Variants in PCDHA7 observed in about 807,000 individuals in gnomAD.
The protein encoded by PCDHA7 is protocadherin alpha 7.
PCDHA7 carries 37 observed loss-of-function variants against 57.2 expected under a neutral mutation model. The ratio of observed to expected loss-of-function variants is 0.65; its 90% CI spans 0.50 to 0.85. PCDHA7 has a LOEUF of 0.85. Among genes scored for constraint, PCDHA7 ranks in the 40% least tolerant of loss-of-function variants. The pLI, the probability that PCDHA7 is intolerant of heterozygous loss-of-function variation, is 0.00. For missense variants in PCDHA7, 1,188 were observed against 1,241.8 expected, an observed-to-expected ratio of 0.96 and a Z score of 0.65; for synonymous variants, 553 against 558.8, an observed-to-expected ratio of 0.99 and a Z score of 0.15.
intron 1 of PCDHA7, chr5:140,875,679 A>T (rs1554167850): frequency 4.3e-6 from 7 of 1,613,916 alleles, no homozygotes; most frequent in Non-Finnish European, 8.5e-7. Context: ...TGGCGTCCAA[A>T]AGACACGGGG....
Position 141,010,015 on chromosome 5 carries a change from C to T in PCDHA7, c.*78C>T, listed in dbSNP as rs1588250671. On this transcript the variant is annotated 3_prime_UTR_variant, in exon 4 of 4. Transcript: ENST00000525929. ...CTCTCCCATGTAGCAATTCCCTGCTCCTTTTTCCTATCTACATGAGCCCTC... is the reference window on the plus strand; with the variant it reads ...CTCTCCCATGTAGCAATTCCCTGCTTCTTTTTCCTATCTACATGAGCCCTC... 7 of 1,572,182 alleles carry T rather than the reference C, an allele frequency of 4.5e-6. No individual in the cohort carries two copies. In the East Asian group the frequency reaches 1.3e-4, roughly 30 times the overall value.
chr5:140,972,295 G>A (rs551210883), intron 1 of PCDHA7, among the ~76,000 whole-genome samples: 2 of 151,388 alleles, frequency 1.3e-5, no homozygotes, highest in South Asian at 2.1e-4. Context: ...GTGCGCCACC[G>A]TGTCTGACTA....
At chr5:140,954,781 T>A (rs1312700733) in intron 1 of PCDHA7, among the ~76,000 whole-genome samples, 1 of 152,208 alleles carries the variant, frequency 6.6e-6, no homozygotes, top group Non-Finnish European at 1.5e-5. Flanking sequence ...TTTAATTAGA[T>A]CTCATTTGTC....
intron 1 of PCDHA7, among the ~76,000 whole-genome samples, chr5:140,950,689 A>G (rs1585383013): frequency 2.6e-5 from 4 of 152,212 alleles, no homozygotes; most frequent in Admixed American, 2.6e-4. Flanking sequence ...ATTGTTAACC[A>G]AATTTGACAA....
chr5:141,010,146 C>T lies in PCDHA7; in HGVS notation c.*209C>T. 2 of 1,584,410 alleles carry T rather than the reference C, an allele frequency of 1.3e-6. No homozygotes were observed. Among genetic ancestry groups the T allele is most frequent in the Non-Finnish European group, 1.7e-6 (2 of 1,164,258 alleles). On this transcript the variant is annotated 3_prime_UTR_variant, in exon 4 of 4. Coordinates refer to ENST00000525929, the MANE Select transcript of PCDHA7 (RefSeq NM_018910.3). ...TAAGTCTGGTGTTAACTCTTTCTCTCCACTCTGGCTTGTTTTCAGAACCTA... is the reference window on the plus strand; with the variant it reads ...TAAGTCTGGTGTTAACTCTTTCTCTTCACTCTGGCTTGTTTTCAGAACCTA...
chr5:140,949,260 T>A (rs1292112980), intron 1 of PCDHA7, among the ~76,000 whole-genome samples: 1 of 151,804 alleles, frequency 6.6e-6, no homozygotes, highest in African/African-American at 2.4e-5. Flanking sequence ...GATGAACATA[T>A]CACGTGCACT....
At position 141,011,517 on chromosome 5, in the gene PCDHA7, T is replaced by C. The variant is rs1397450262; in HGVS notation, c.*1580T>C. 2.6e-5 allele frequency: 4 copies of C among 153,768 alleles called. No individual in the cohort carries two copies. The highest frequency in any genetic ancestry group is 5.9e-5 in the Non-Finnish European group (4 of 68,028). The allele number at this position is 153,768 out of a possible 1,614,324, so 9.5% of individuals were successfully genotyped here. On this transcript the variant is annotated 3_prime_UTR_variant, in exon 4 of 4. Transcript: ENST00000525929. Reference sequence around the variant, plus strand: ...ACCTGTGAAAAAGTGGAGTAGTGTTTTTTTAACCATTGTTAATCAGCTTTT... The same window carrying C: ...ACCTGTGAAAAAGTGGAGTAGTGTTCTTTTAACCATTGTTAATCAGCTTTT...
intron 1 of PCDHA7, chr5:140,875,924 A>C (rs782181544): frequency 6.2e-7 from 1 of 1,614,054 alleles, no homozygotes; most frequent in Non-Finnish European, 8.5e-7. Context: ...CTGGACTCTC[A>C]TTTTCCTCTA....
intron 1 of PCDHA7, among the ~76,000 whole-genome samples, chr5:140,912,832 TA>T (rs1188685241): frequency 1.3e-5 from 2 of 152,202 alleles, no homozygotes; most frequent in African/African-American, 2.4e-5. Context: ...TGAATTTTAT[TA>T]AATGCTTTTT....
chr5:140,873,126 G>A (rs2054115570), intron 1 of PCDHA7, among the ~76,000 whole-genome samples: 1 of 152,124 alleles, frequency 6.6e-6, no homozygotes, highest in Admixed American at 6.5e-5. Context: ...AATATTCAAA[G>A]AGTCTATGCT....
At chr5:140,876,323 T>C (rs1554168484) in intron 1 of PCDHA7, 1 of 1,614,000 alleles carries the variant, frequency 6.2e-7, no homozygotes, top group Middle Eastern at 1.6e-4. Context: ...ATCAAAATGA[T>C]TTTGCCAGTG....
intron 1 of PCDHA7, among the ~76,000 whole-genome samples, chr5:140,885,298 G>C (rs1328478663): frequency 6.6e-6 from 1 of 152,040 alleles, no homozygotes; most frequent in East Asian, 1.9e-4. Flanking sequence ...AGAGAGACCT[G>C]GTAGGCTTTT....
At chr5:140,937,284 G>A (rs1473374286) in intron 1 of PCDHA7, among the ~76,000 whole-genome samples, 2 of 151,964 alleles carry the variant, frequency 1.3e-5, no homozygotes, top group South Asian at 2.1e-4. Context: ...TGATTCACCC[G>A]CTTCGGCCTC....
At chr5:140,843,158 C>T in intron 1 of PCDHA7, 1 of 1,596,142 alleles carries the variant, frequency 6.3e-7, no homozygotes, top group Non-Finnish European at 8.6e-7. Flanking sequence ...TGAGCTGCAG[C>T]CAGCTGCAAG....
At chr5:140,953,952 C>G (rs1025145135) in intron 1 of PCDHA7, among the ~76,000 whole-genome samples, 1 of 152,084 alleles carries the variant, frequency 6.6e-6, no homozygotes, top group Non-Finnish European at 1.5e-5. Flanking sequence ...GCTCCCCCAA[C>G]AGGCCCCAGT....
At chr5:140,888,551 T>G (rs2061873493) in intron 1 of PCDHA7, among the ~76,000 whole-genome samples, 1 of 152,240 alleles carries the variant, frequency 6.6e-6, no homozygotes, top group Admixed American at 6.5e-5. Flanking sequence ...TACCAATTTA[T>G]TCCTTTCAAG....
intron 2 of PCDHA7, among the ~76,000 whole-genome samples, chr5:140,979,327 C>T (rs1446940311): frequency 5.9e-5 from 9 of 152,078 alleles, no homozygotes; most frequent in African/African-American, 2.2e-4. Context: ...CTTTCTTTTC[C>T]TCCTTTAAAA....
rs1354537383 is a variant in PCDHA7 at position 140,982,283 on chromosome 5, A to G, written c.2415-192A>G. On this transcript the variant is annotated intron_variant, in intron 2 of 3. Coordinates refer to ENST00000525929, the MANE Select transcript of PCDHA7 (RefSeq NM_018910.3). The stretch of plus-strand genomic sequence containing the variant: ...TGTTCCTGGAATAGTATAGCAGGCA[A>G]TAAGTAAGTCAGCAATGCTTCTGCA... 1.7e-5 allele frequency: 18 copies of G among 1,044,438 alleles called. No homozygotes were observed. In the East Asian group the frequency reaches 2.7e-4, roughly 16 times the overall value. 64.7% of individuals were successfully genotyped at this position (1,044,438 alleles called of 1,614,324 possible).
At chr5:140,957,397 A>C (rs553656426) in intron 1 of PCDHA7, among the ~76,000 whole-genome samples, 1 of 152,282 alleles carries the variant, frequency 6.6e-6, no homozygotes, top group South Asian at 2.1e-4. Context: ...AATTGTCCTA[A>C]TTTATTATTA....
Sources: allele counts gnomAD v4.1 joint callset (sites outside exome capture counted in the v4.1 genomes callset), GRCh38; gene constraint gnomAD v4.1.1; transcripts MANE v1.5; gene names NCBI Gene and HGNC (gene_info 2026-07-23, HGNC 2026-07-21).